TMEM80: variants seen among roughly 807,000 people sequenced by gnomAD.
TMEM80 encodes transmembrane protein 80.
In TMEM80, 16 loss-of-function variants were observed where a neutral mutation model predicts 13.6. The observed-to-expected ratio is 1.17, with a 90% CI of 0.79 to 1.78. The LOEUF is 1.78. TMEM80 is among the 40% of genes most tolerant of loss of function. TMEM80 has a pLI of 0.00. For missense variants in TMEM80, 167 were observed against 184.6 expected (o/e 0.90, Z 0.55); for synonymous variants, 92 against 89.5 (o/e 1.03, Z -0.16).
Position 703,241 on chromosome 11 carries a change from G to A in TMEM80, c.*91G>A, listed in dbSNP as rs1861582450. On this transcript the variant is annotated 3_prime_UTR_variant, in exon 5 of 5. Transcript: ENST00000397510. ...CACCTCCCCATTCCTGGACAGGAAGGGCACTTTTCCTAGTGACTGGCCATA... is the reference window on the plus strand; with the variant it reads ...CACCTCCCCATTCCTGGACAGGAAGAGCACTTTTCCTAGTGACTGGCCATA... 1 of 1,466,036 alleles carries A rather than the reference G, an allele frequency of 6.8e-7. No homozygotes were observed. The highest frequency in any genetic ancestry group is 9.1e-7 in the Non-Finnish European group (1 of 1,102,336). The allele number at this position is 1,466,036 out of a possible 1,614,324, so 90.8% of individuals were successfully genotyped here. A position where few individuals can be genotyped will look rare whatever the true frequency, so the allele number is the denominator to read the frequency against.
intron 4 of TMEM80, 71 bp downstream of exon 4, chr11:700,778 G>C: frequency 4.3e-6 from 6 of 1,392,622 alleles, no homozygotes; most frequent in Non-Finnish European, 6.1e-6. Context: ...CCTTTCAAGA[G>C]TAATTATTTT....
chr11:697,759 G>C (rs957109384), intron 1 of TMEM80: 1 of 152,238 alleles, frequency 6.6e-6, no homozygotes, highest in Non-Finnish European at 1.5e-5. Flanking sequence ...GTGGCCTGCC[G>C]GGAACGCGAT....
Position 703,449 on chromosome 11 carries a change from G to A in TMEM80, c.*299G>A. 1 of 1,280,668 alleles carries A rather than the reference G, an allele frequency of 7.8e-7. No homozygotes were observed. Among genetic ancestry groups the A allele is most frequent in the Non-Finnish European group, 9.8e-7 (1 of 1,016,634 alleles). 79.3% of individuals were successfully genotyped at this position (1,280,668 alleles called of 1,614,324 possible). A position where few individuals can be genotyped will look rare whatever the true frequency, so the allele number is the denominator to read the frequency against. ...CTGTCAGTGGGGTCTGGCTTTAGCA[G>A]CCAGGCCTCCACAGACCCCCATGGG... On this transcript the variant is annotated 3_prime_UTR_variant, in exon 5 of 5. Coordinates refer to ENST00000397510, the MANE Select transcript of TMEM80 (RefSeq NM_001042463.3).
At chr11:702,010 C>T (rs974866714) in intron 4 of TMEM80, among the ~76,000 whole-genome samples, 13 of 152,310 alleles carry the variant, frequency 8.5e-5, no homozygotes, top group Admixed American at 7.2e-4. Flanking sequence ...CCGTGGGGAA[C>T]GCAATGGGCA....
chr11:704,755 C>T (rs1861644445), downstream of TMEM80: 27 of 783,000 alleles, frequency 3.4e-5, no homozygotes, highest in South Asian at 3.3e-4. Flanking sequence ...CCCGAGAGGC[C>T]AGCCTGGACT....
chr11:702,836 C>G (rs144092442), intron 4 of TMEM80, 109 bp from the exon 5 acceptor site: 1 of 1,087,140 alleles, frequency 9.2e-7, no homozygotes, highest in Non-Finnish European at 1.3e-6. Flanking sequence ...CCCGGAGGAA[C>G]GTAGGGCAAG....
chr11:703,477 C>T lies in TMEM80; in HGVS notation c.*327C>T, dbSNP rs1861593086. 7 of 1,257,532 alleles carry T rather than the reference C, an allele frequency of 5.6e-6. No individual in the cohort carries two copies. The highest frequency in any genetic ancestry group is 7.0e-6 in the Non-Finnish European group (7 of 1,003,254). 77.9% of individuals were successfully genotyped at this position (1,257,532 alleles called of 1,614,324 possible). A position where few individuals can be genotyped will look rare whatever the true frequency, so the allele number is the denominator to read the frequency against. Reference sequence around the variant, plus strand: ...AGGCCTCCACAGACCCCCATGGGCCCCCAGGGCCGAGAGGGAGGACAGAGC... The same window carrying T: ...AGGCCTCCACAGACCCCCATGGGCCTCCAGGGCCGAGAGGGAGGACAGAGC... On this transcript the variant is annotated 3_prime_UTR_variant, in exon 5 of 5. Transcript: ENST00000397510.
intron 4 of TMEM80, among the ~76,000 whole-genome samples, chr11:702,143 C>A (rs1861525749): frequency 6.6e-6 from 1 of 152,170 alleles, no homozygotes; most frequent in African/African-American, 2.4e-5. Context: ...TGGCCCCCAC[C>A]CTTCCTCTTG....
intron 1 of TMEM80, among the ~76,000 whole-genome samples, chr11:698,631 G>T (rs529942711): frequency 6.6e-6 from 1 of 152,092 alleles, no homozygotes; most frequent in Non-Finnish European, 1.5e-5. Context: ...CGGTGCCCCC[G>T]GTACTCGCTG....
chr11:704,775 G>A, downstream of TMEM80: 1 of 659,060 alleles, frequency 1.5e-6, no homozygotes, highest in Non-Finnish European at 2.2e-6. Flanking sequence ...TGTCTCCTGA[G>A]GGCAGGCTCC....
Position 700,688 on chromosome 11 carries a change from A to T in TMEM80, c.207A>T (p.Glu69Asp), listed in dbSNP as rs1241892713. The change falls in exon 4 of 5, where the codon GAA (glutamate) becomes GAT (aspartate). Residue 69 changes from glutamate to aspartate, a missense_variant. Physicochemically the swap from Glu to Asp is conservative, Grantham distance 45. Coordinates refer to ENST00000397510, the MANE Select transcript of TMEM80 (RefSeq NM_001042463.3). Reference sequence around the variant, plus strand: ...TGCTGTTTCTGATGGGGATTCTAGAAGCAGTTCGGTTATACCTGGGTGAGT... The same window carrying T: ...TGCTGTTTCTGATGGGGATTCTAGATGCAGTTCGGTTATACCTGGGTGAGT... The part of the protein sequence containing the change: ...LALLFLMGIL[E>D]AVRLYLGTRG... 6.2e-7 allele frequency: 1 copy of T among 1,613,980 alleles called. No homozygotes were observed. Among genetic ancestry groups the T allele is most frequent in the African/African-American group, 1.3e-5 (1 of 74,880 alleles).
At chr11:701,727 T>G (rs1861506776) in intron 4 of TMEM80, among the ~76,000 whole-genome samples, 1 of 152,186 alleles carries the variant, frequency 6.6e-6, no homozygotes, top group South Asian at 2.1e-4. Flanking sequence ...GGTTTCGCTA[T>G]GTTACCCTGG....
chr11:700,569 T>C (rs1484646184), intron 3 of TMEM80, 46 bp from the exon 4 acceptor site: 1 of 1,463,850 alleles, frequency 6.8e-7, no homozygotes, highest in Non-Finnish European at 9.6e-7. Flanking sequence ...TGGCTGCTGC[T>C]GCTGTGCCAG....
chr11:702,828 C>T (rs768528567), intron 4 of TMEM80, 117 bp from the exon 5 acceptor site: 12 of 1,010,186 alleles, frequency 1.2e-5, no homozygotes, highest in South Asian at 1.8e-5. Flanking sequence ...CCCCAGGCCC[C>T]GGAGGAACGT....
Position 703,132 on chromosome 11 carries a change from C to T in TMEM80, c.414C>T (p.Ile138=), listed in dbSNP as rs371143645. ...AGGCCGTCCTGCAGGTGGTTGCCAT[C>T]GCGGCCTTCACCAGGTAGCTACGGA... ...GLEAVLQVVA[I]AAFTR The change falls in exon 5 of 5, where the codon ATC becomes ATT. Residue 138 remains isoleucine, a synonymous_variant. Coordinates refer to ENST00000397510, the MANE Select transcript of TMEM80 (RefSeq NM_001042463.3). The T allele has an allele frequency of 2.0e-5, 32 of 1,608,364 alleles. No individual in the cohort carries two copies. The highest frequency in any genetic ancestry group is 8.4e-5 in the Admixed American group (5 of 59,756).
downstream of TMEM80, chr11:704,597 A>AG (rs1156973355): frequency 7.9e-6 from 10 of 1,264,956 alleles, no homozygotes; most frequent in Non-Finnish European, 6.2e-6. Flanking sequence ...CATGCAGACC[A>AG]GGGAAGGACC....
rs141889473 is a variant in TMEM80 at position 700,180 on chromosome 11, C to G, written c.78C>G (p.Ser26Arg). The G allele has an allele frequency of 1.2e-6, 2 of 1,614,130 alleles. No homozygotes were observed. Among genetic ancestry groups the G allele is most frequent in the Non-Finnish European group, 1.7e-6 (2 of 1,180,002 alleles). Residue 26 changes from serine to arginine, a missense_variant, in exon 3 of 5, where the codon AGC becomes AGG. Ser to Arg is a moderately radical substitution (Grantham distance 110, BLOSUM62 -1). Coordinates refer to ENST00000397510, the MANE Select transcript of TMEM80 (RefSeq NM_001042463.3). Reference protein sequence around the residue: ...SVPLQMLFYLSGTYYALYFLA... With the variant: ...SVPLQMLFYLRGTYYALYFLA... Reference sequence around the variant, plus strand: ...CCCTTCAAATGCTGTTTTATCTCAGCGGAACGTACTACGCCCTGTATTTCC... The same window carrying G: ...CCCTTCAAATGCTGTTTTATCTCAGGGGAACGTACTACGCCCTGTATTTCC...
chr11:696,849 G>T (rs1344522733), intron 1 of TMEM80, among the ~76,000 whole-genome samples: 2 of 151,876 alleles, frequency 1.3e-5, no homozygotes, highest in Non-Finnish European at 2.9e-5. Context: ...GGAGGCCAAA[G>T]CGGGCGGATC....
At chr11:698,402 GATAAA>G (rs1861295966) in intron 1 of TMEM80, among the ~76,000 whole-genome samples, 1 of 152,194 alleles carries the variant, frequency 6.6e-6, no homozygotes, top group Non-Finnish European at 1.5e-5. Context: ...GATATTTGGG[GATAAA>G]ATTTCAGAGG....
Sources: gnomAD v4.1 joint callset for allele counts (sites outside exome capture counted in the v4.1 genomes callset) on GRCh38, gnomAD v4.1.1 for gene constraint, MANE v1.5 for transcripts, NCBI Gene and HGNC (gene_info 2026-07-23, HGNC 2026-07-21) for gene names.